Variants in CSMD1 observed in about 807,000 individuals in gnomAD.
CSMD1 encodes CUB and sushi domain-containing protein 1.
CSMD1 carries 213 observed loss-of-function variants against 417.5 expected under a neutral mutation model. The ratio of observed to expected loss-of-function variants is 0.51; its 90% CI spans 0.46 to 0.57. The LOEUF (loss-of-function observed/expected upper bound fraction) is 0.57, where lower values mean the gene tolerates loss of function less well. Among genes scored for constraint, CSMD1 ranks in the 20% least tolerant of loss-of-function variants. The pLI, the probability that CSMD1 is intolerant of heterozygous loss-of-function variation, is 0.00. For synonymous variants in CSMD1, 2,862 were observed against 1,736.8 expected (o/e 1.65, Z -16.11); for missense variants, 6,923 against 4,529.7 (o/e 1.53, Z -15.17).
chr8:3,565,269 G>C (rs900172053), intron 10 of CSMD1, among the ~76,000 whole-genome samples: 10 of 150,698 alleles, frequency 6.6e-5, no homozygotes, highest in Admixed American at 4.0e-4. Context: ...TAAGGGATCT[G>C]TCAAAGCAAG....
chr8:4,301,755 GC>G (rs1364565104), intron 3 of CSMD1, among the ~76,000 whole-genome samples: 1 of 152,102 alleles, frequency 6.6e-6, no homozygotes, highest in East Asian at 1.9e-4. Context: ...ATCATGTCCT[GC>G]CTCCTTAAAC....
intron 3 of CSMD1, among the ~76,000 whole-genome samples, chr8:4,158,777 G>A (rs937928778): frequency 2.6e-5 from 4 of 152,148 alleles, no homozygotes; most frequent in African/African-American, 7.2e-5. Flanking sequence ...ACACTGAAGT[G>A]TTGGGATTTT....
intron 1 of CSMD1, among the ~76,000 whole-genome samples, chr8:4,989,447 G>A (rs931656301): frequency 6.6e-6 from 1 of 152,162 alleles, no homozygotes; most frequent in East Asian, 1.9e-4. Flanking sequence ...AAATACTGTA[G>A]ACTGTGGAAG....
intron 3 of CSMD1, among the ~76,000 whole-genome samples, chr8:4,271,346 C>T (rs1162859604): frequency 6.6e-6 from 1 of 152,068 alleles, no homozygotes; most frequent in Non-Finnish European, 1.5e-5. Flanking sequence ...GAAACACTGG[C>T]AGTGCTTGGA....
intron 10 of CSMD1, among the ~76,000 whole-genome samples, chr8:3,553,490 G>T (rs1022588609): frequency 2.0e-5 from 3 of 152,146 alleles, no homozygotes; most frequent in African/African-American, 7.2e-5. Flanking sequence ...ATATTCCTAA[G>T]ACAGCTGCGT....
At chr8:4,670,193 T>C (rs188605844) in intron 1 of CSMD1, among the ~76,000 whole-genome samples, 4 of 152,324 alleles carry the variant, frequency 2.6e-5, no homozygotes, top group African/African-American at 9.6e-5. Context: ...AGTCCCTCCA[T>C]GTATATTTCT....
chr8:3,072,715 T>G (rs1034006766), intron 49 of CSMD1, among the ~76,000 whole-genome samples: 5 of 152,182 alleles, frequency 3.3e-5, no homozygotes, highest in African/African-American at 9.7e-5. Context: ...GAATCTGAAC[T>G]TTTCATCTCC....
rs2129014602 is a variant in CSMD1, at chr8:3,106,539, G to A, written c.6938C>T (p.Pro2313Leu). The change falls in exon 46 of 70, where the codon CCA becomes CTA. Residue 2313 changes from proline to leucine, a missense_variant. Physicochemically the swap from Pro to Leu is moderately conservative, Grantham distance 98. Coordinates refer to ENST00000635120, the MANE Select transcript of CSMD1 (RefSeq NM_033225.6). ...SSQLQFEGSL[P>L]TCEAQCPANE... ...CGAACAGTGCATACCTTCACATGTT[G>A]GGAGAGAACCCTCAAACTGCAACTG... The A allele has an allele frequency of 6.2e-7, 1 of 1,610,400 alleles. No homozygotes were observed. The highest frequency in any genetic ancestry group is 2.2e-5 in the East Asian group (1 of 44,858).
intron 12 of CSMD1, among the ~76,000 whole-genome samples, chr8:3,424,982 A>C (rs925154367): frequency 1.3e-5 from 2 of 152,134 alleles, no homozygotes; most frequent in African/African-American, 2.4e-5. Context: ...CAACAGGTAC[A>C]TGCCACCACA....
chr8:4,796,545 G>C (rs1398781054), intron 1 of CSMD1, among the ~76,000 whole-genome samples: 2 of 151,312 alleles, frequency 1.3e-5, no homozygotes, highest in Non-Finnish European at 2.9e-5. Flanking sequence ...CACGCTCTCA[G>C]ACTAGAGAGC....
chr8:3,953,579 GC>G (rs1811727920), intron 5 of CSMD1, among the ~76,000 whole-genome samples: 1 of 152,122 alleles, frequency 6.6e-6, no homozygotes, highest in South Asian at 2.1e-4. Flanking sequence ...GATAATTGGA[GC>G]TATTAAAGTG....
intron 7 of CSMD1, among the ~76,000 whole-genome samples, chr8:3,693,039 A>G (rs115998954): frequency 0.015 from 2,254 of 152,288 alleles, 46 homozygotes; most frequent in African/African-American, 0.048. Flanking sequence ...AAGGTTTACA[A>G]TATTAAAGTT....
intron 20 of CSMD1, among the ~76,000 whole-genome samples, chr8:3,365,837 G>A (rs1809528294): frequency 6.6e-6 from 1 of 152,158 alleles, no homozygotes; most frequent in South Asian, 2.1e-4. Context: ...GATTAGGGGT[G>A]TCGATCCCCG....
chr8:3,428,102 C>T (rs903516045), intron 12 of CSMD1, among the ~76,000 whole-genome samples: 1 of 152,178 alleles, frequency 6.6e-6, no homozygotes, highest in African/African-American at 2.4e-5. Flanking sequence ...ATTCTTACAG[C>T]ACCTGAAATT....
chr8:4,965,952 G>A (rs1172379488), intron 1 of CSMD1, among the ~76,000 whole-genome samples: 1 of 152,140 alleles, frequency 6.6e-6, no homozygotes, highest in Non-Finnish European at 1.5e-5. Context: ...CAACATGTGT[G>A]AGCATAACTC....
rs1682035004 is a variant in CSMD1, at chr8:3,409,472, G to A, written c.1695C>T (p.Ile565=). ...AAFELVGERV[I]TCQQNNQWSG... ...ACCACTGATTGTTCTGCTGACAGGT[G>A]ATAACTCTCTCCCCCACCAGCTCAA... The change falls in exon 13 of 70, where the codon ATC becomes ATT. Residue 565 remains isoleucine (I), a synonymous_variant. Transcript: ENST00000635120. 1 of 1,611,546 alleles carries A rather than the reference G, an allele frequency of 6.2e-7. No individual in the cohort carries two copies.
At chr8:4,842,088 C>G (rs565669285) in intron 1 of CSMD1, among the ~76,000 whole-genome samples, 40 of 152,194 alleles carry the variant, frequency 2.6e-4, no homozygotes, top group African/African-American at 8.7e-4. Context: ...CCTATGTGTA[C>G]CATTCTGTAT....
intron 12 of CSMD1, among the ~76,000 whole-genome samples, chr8:3,438,279 G>A (rs1814705624): frequency 6.6e-6 from 1 of 152,144 alleles, no homozygotes; most frequent in Non-Finnish European, 1.5e-5. Flanking sequence ...TAACCTTCGT[G>A]CAGCTTTCCC....
intron 18 of CSMD1, chr8:3,375,166 C>G (rs1810225766): frequency 6.6e-6 from 1 of 152,206 alleles, no homozygotes; most frequent in African/African-American, 2.4e-5. Flanking sequence ...GTTGAACTTC[C>G]AACTGCTTGC....
Sources: allele counts gnomAD v4.1 joint callset (sites outside exome capture counted in the v4.1 genomes callset), GRCh38; gene constraint gnomAD v4.1.1; transcripts MANE v1.5; gene names NCBI Gene and HGNC (gene_info 2026-07-23, HGNC 2026-07-21).